DIP2C: variants seen among roughly 807,000 people sequenced by gnomAD.
DIP2C encodes the protein disco-interacting protein 2 homolog C.
DIP2C carries 33 observed loss-of-function variants against 192.4 expected under a neutral mutation model. The ratio of observed to expected loss-of-function variants is 0.17; its 90% CI spans 0.13 to 0.23. The LOEUF is 0.23. DIP2C is among the 10% of genes least tolerant of loss of function. The pLI, the probability that DIP2C is intolerant of heterozygous loss-of-function variation, is 1.00. For synonymous variants in DIP2C, 979 were observed against 864.1 expected (o/e 1.13, Z -2.33); for missense variants, 1,537 against 2,110.1 (o/e 0.73, Z 5.32).
Position 356,495 on chromosome 10 carries a change from GAGGAAC to G in DIP2C, c.2910_2915del (p.Phe971_Leu972del), listed in dbSNP as rs1959089305. On this transcript the variant is annotated inframe_deletion, in exon 24 of 37. Coordinates refer to ENST00000280886, the MANE Select transcript of DIP2C (RefSeq NM_014974.3). ...GTGCTCTCCACTGCAAGACCTCTGA[GAGGAAC>G]AGGAACTGGAACAGAGCACGGGCAT... The G allele has an allele frequency of 6.2e-7, 1 of 1,612,096 alleles. No individual in the cohort carries two copies. The highest frequency in any genetic ancestry group is 8.5e-7 in the Non-Finnish European group (1 of 1,179,774).
intron 1 of DIP2C, among the ~76,000 whole-genome samples, chr10:682,298 C>T (rs571876982): frequency 4.9e-4 from 74 of 152,326 alleles, no homozygotes; most frequent in African/African-American, 1.7e-3. Flanking sequence ...GCCCCAAGTG[C>T]TCAAAATCAA....
At chr10:517,580 C>G (rs1250774471) in intron 1 of DIP2C, among the ~76,000 whole-genome samples, 1 of 152,144 alleles carries the variant, frequency 6.6e-6, no homozygotes, top group African/African-American at 2.4e-5. Flanking sequence ...CTCATGATAC[C>G]CAGAATGTCA....
At chr10:550,866 G>T (rs1309147127) in intron 1 of DIP2C, among the ~76,000 whole-genome samples, 3 of 152,224 alleles carry the variant, frequency 2.0e-5, no homozygotes, top group African/African-American at 7.2e-5. Flanking sequence ...CCGGGACTGA[G>T]AAGGTCAGCA....
At chr10:672,782 G>A (rs957071444) in intron 1 of DIP2C, among the ~76,000 whole-genome samples, 9 of 152,118 alleles carry the variant, frequency 5.9e-5, no homozygotes, top group Non-Finnish European at 1.2e-4. Flanking sequence ...GCCGTCTCTT[G>A]ACCAGAAACA....
intron 6 of DIP2C, among the ~76,000 whole-genome samples, chr10:417,400 C>G (rs1013953327): frequency 2.9e-4 from 43 of 150,712 alleles, no homozygotes; most frequent in African/African-American, 9.8e-4. Context: ...ACTAAAATGA[C>G]AAGAATAACA....
intron 1 of DIP2C, among the ~76,000 whole-genome samples, chr10:688,599 C>T (rs2119121664): frequency 6.6e-6 from 1 of 150,470 alleles, no homozygotes; most frequent in South Asian, 2.1e-4. Flanking sequence ...ATGGCCTGAC[C>T]AGGATGAGCC....
At chr10:364,603 C>G in intron 19 of DIP2C, 21 bp from the exon 20 acceptor site, 1 of 1,610,168 alleles carries the variant, frequency 6.2e-7, no homozygotes, top group Non-Finnish European at 8.5e-7. Context: ...CAGCATCCAT[C>G]AGGCCACTGT....
At chr10:367,241 C>T (rs1960363143) in intron 18 of DIP2C, among the ~76,000 whole-genome samples, 1 of 152,042 alleles carries the variant, frequency 6.6e-6, no homozygotes, top group Non-Finnish European at 1.5e-5. Flanking sequence ...CATGGTGAAA[C>T]CCCGTCTCTA....
At chr10:417,270 C>T (rs193216735) in intron 6 of DIP2C, among the ~76,000 whole-genome samples, 44 of 152,258 alleles carry the variant, frequency 2.9e-4, no homozygotes, top group Admixed American at 1.7e-3. Context: ...ACCCTCCCAG[C>T]AAGGGCCCCT....
intron 1 of DIP2C, among the ~76,000 whole-genome samples, chr10:639,174 G>A (rs1291994113): frequency 2.1e-5 from 3 of 140,566 alleles, no homozygotes; most frequent in Non-Finnish European, 4.7e-5. Flanking sequence ...CCCGGCTCCC[G>A]GTCCACACAT....
rs1233274217 is a variant in DIP2C, at chr10:666,855, AGCT to A, written c.85+22636_85+22638del. On this transcript the variant is annotated intron_variant, in intron 1 of 36. Transcript: ENST00000280886. This position sits in a 1 kb window ranked among gnomAD's most constrained non-coding sequence, Gnocchi z 4.1. ...TACCACAGGCAGACCCCGGCCGGCA[AGCT>A]GCCCCAAGAAGCAGTGCGCCTCCCA... The A allele has an allele frequency of 6.6e-6, 1 of 152,326 alleles. No homozygotes were observed. Among genetic ancestry groups the A allele is most frequent in the Non-Finnish European group, 1.5e-5 (1 of 68,158 alleles). The allele number at this position is 152,326 out of a possible 1,614,324, so 9.4% of individuals were successfully genotyped here. A position where few individuals can be genotyped will look rare whatever the true frequency, so the allele number is the denominator to read the frequency against.
chr10:612,923 T>C (rs549255986), intron 1 of DIP2C, among the ~76,000 whole-genome samples: 19 of 152,240 alleles, frequency 1.2e-4, no homozygotes, highest in African/African-American at 4.1e-4. Context: ...GTTAAATGCA[T>C]GTAAAATTTT....
chr10:471,290 G>A lies in DIP2C; in HGVS notation c.268+1149C>T, dbSNP rs149876102. ...CATAAAATCTCCTCTCCAGAAAGAG[G>A]AGCAGAGCCAGGAGGCCAGGCAGAC... On this transcript the variant is annotated intron_variant, in intron 3 of 36. Coordinates refer to ENST00000280886, the MANE Select transcript of DIP2C (RefSeq NM_014974.3). Among the ~76,000 whole-genome samples the A allele has an allele frequency of 5.3e-5, 8 of 152,240 alleles. No homozygotes were observed. The East Asian group carries it at 1.2e-3, about 22-fold the overall frequency.
chr10:415,962 C>T (rs1965604547), intron 6 of DIP2C, 74 bp from the exon 7 acceptor site: 1 of 1,598,254 alleles, frequency 6.3e-7, no homozygotes, highest in Non-Finnish European at 8.5e-7. Context: ...CCCACAGTCC[C>T]ACAGCCCCCT....
intron 1 of DIP2C, among the ~76,000 whole-genome samples, chr10:488,015 C>A (rs1443231746): frequency 6.6e-6 from 1 of 152,236 alleles, no homozygotes; most frequent in Non-Finnish European, 1.5e-5. Flanking sequence ...GCCTTGTTAA[C>A]CCGTTTTACA....
chr10:452,696 A>G (rs1968947979), intron 3 of DIP2C, among the ~76,000 whole-genome samples: 1 of 152,224 alleles, frequency 6.6e-6, no homozygotes, highest in Admixed American at 6.5e-5. Flanking sequence ...CTGGGTCCTC[A>G]GCACAGCCGG....
intron 1 of DIP2C, among the ~76,000 whole-genome samples, chr10:607,470 C>T (rs909604914): frequency 2.0e-5 from 3 of 152,134 alleles, no homozygotes; most frequent in South Asian, 2.1e-4. Context: ...ACATCAGAGA[C>T]GTTATATCTT....
intron 2 of DIP2C, chr10:484,673 G>GC (rs1450305121): frequency 7.1e-7 from 1 of 1,417,152 alleles, no homozygotes; most frequent in East Asian, 2.5e-5. Context: ...GGACCCTCAG[G>GC]CCCCCAAGGC....
chr10:676,096 G>A (rs891066639), intron 1 of DIP2C, among the ~76,000 whole-genome samples: 5 of 152,134 alleles, frequency 3.3e-5, no homozygotes, highest in African/African-American at 1.2e-4. Flanking sequence ...AGGATGCAAG[G>A]ATGGCTCAAC....
Sources: allele counts gnomAD v4.1 joint callset (sites outside exome capture counted in the v4.1 genomes callset), GRCh38; gene constraint gnomAD v4.1.1; non-coding constraint Gnocchi (gnomAD v3.1); transcripts MANE v1.5; gene names NCBI Gene and HGNC (gene_info 2026-07-23, HGNC 2026-07-21).